The following NRGN variants were observed in gnomAD, a reference collection of about 807,000 sequenced individuals.
NRGN encodes calmodulin-binding protein.
For missense variants in NRGN, 82 were observed against 123.0 expected (o/e 0.67, Z 1.58); for synonymous variants, 47 against 52.8 (o/e 0.89, Z 0.47).
chr11:124,745,506 A>C lies in NRGN; in HGVS notation c.19A>C (p.Asn7His). 2 of 1,581,270 alleles carry C rather than the reference A, an allele frequency of 1.3e-6. No homozygotes were observed. Among genetic ancestry groups the C allele is most frequent in the South Asian group, 2.3e-5 (2 of 87,786 alleles). ...AACCCCCCTGCTTCGCCCCCAGGAG[A>C]ACGCCTGCTCCAAGCCGGACGACGA... MDCCTE[N>H]ACSKPDDDIL... The change falls in exon 2 of 4, where the codon AAC becomes CAC. Residue 7 changes from asparagine (N) to histidine (H), a missense_variant. Physicochemically the swap from Asn to His is moderately conservative, Grantham distance 68. Transcript: ENST00000284292. This position sits in a 1 kb window ranked among gnomAD's most constrained non-coding sequence, Gnocchi z 6.4.
chr11:124,742,027 C>G (rs1043514567), intron 1 of NRGN, among the ~76,000 whole-genome samples: 5 of 152,290 alleles, frequency 3.3e-5, no homozygotes, highest in Non-Finnish European at 5.9e-5. Flanking sequence ...CCAGTGCACC[C>G]TGTGCACAGG....
chr11:124,745,779 C>A lies in NRGN; in HGVS notation c.*5+50C>A. ...CTGACAGCTGCCCTTCCCCAGCCCT[C>A]CCCAGGAGCAGGGGGAGAATAAGGG... On this transcript the variant is annotated intron_variant, in intron 2 of 3. Transcript: ENST00000284292. The surrounding 1 kb of genome is among the most constrained non-coding windows in gnomAD (Gnocchi z 6.4). 1 of 1,031,382 alleles carries A rather than the reference C, an allele frequency of 9.7e-7. No individual in the cohort carries two copies. The highest frequency in any genetic ancestry group is 1.3e-6 in the Non-Finnish European group (1 of 779,040). The allele number at this position is 1,031,382 out of a possible 1,614,324, so 63.9% of individuals were successfully genotyped here.
rs557756655 is a variant in NRGN at position 124,743,780 on chromosome 11, C to T, written c.16-1723C>T. On this transcript the variant is annotated intron_variant, in intron 1 of 3. Transcript: ENST00000284292. ...TCATATCCTGTCCACTTCTATGAAC[C>T]GGATGGATGATGGCAGGGAGAGCTA... Among the ~76,000 whole-genome samples, 11 of 151,636 alleles carry T rather than the reference C, an allele frequency of 7.3e-5. No individual in the cohort carries two copies. In the East Asian group the frequency reaches 1.9e-3, roughly 27 times the overall value.
In NRGN at chr11:124,742,171, C is replaced by T. The variant is rs150652884; in HGVS notation, c.15+2072C>T. ...TGTGGAGGGTTGGGGAAGGGCAGGG[C>T]TAGGGGTGGGCATTTTCCTCCCCTT... On this transcript the variant is annotated intron_variant, in intron 1 of 3. Transcript: ENST00000284292. Among the ~76,000 whole-genome samples, 61 of 152,036 alleles carry T rather than the reference C, an allele frequency of 4.0e-4. No individual in the cohort carries two copies. In the East Asian group the frequency reaches 0.011, roughly 27 times the overall value.
chr11:124,744,517 A>G (rs1214328895), intron 1 of NRGN: 1 of 152,230 alleles, frequency 6.6e-6, no homozygotes, highest in Non-Finnish European at 1.5e-5. Flanking sequence ...GGGTAAAAAT[A>G]TATATTCTGG....
chr11:124,741,350 T>C (rs1943964091), intron 1 of NRGN, among the ~76,000 whole-genome samples: 1 of 152,194 alleles, frequency 6.6e-6, no homozygotes, highest in Non-Finnish European at 1.5e-5. Context: ...CCCTGTCTTC[T>C]TCGAAGAGCT....
rs960054225 is a variant in NRGN, at chr11:124,741,894, T to C, written c.15+1795T>C. 2.6e-4 allele frequency among the ~76,000 whole-genome samples: 40 copies of C among 152,216 alleles called. 1 individual carries two copies. Among genetic ancestry groups the C allele is most frequent in the African/African-American group, 7.9e-4 (33 of 41,524 alleles). Reference sequence around the variant, plus strand: ...CTCTTGAGTGCCCAGGGAGCCATACTGAGGGATTAGTAGACATGGTTGAAG... The same window carrying C: ...CTCTTGAGTGCCCAGGGAGCCATACCGAGGGATTAGTAGACATGGTTGAAG... On this transcript the variant is annotated intron_variant, in intron 1 of 3. Coordinates refer to ENST00000284292, the MANE Select transcript of NRGN (RefSeq NM_006176.3).
At chr11:124,744,960 G>C (rs1349396695) in intron 1 of NRGN, 2 of 152,474 alleles carry the variant, frequency 1.3e-5, no homozygotes, top group African/African-American at 4.8e-5. Flanking sequence ...CTTAGGTCGG[G>C]GGAGGCTGGC....
Position 124,745,447 on chromosome 11 carries a change from A to G in NRGN, c.16-56A>G. 3 of 1,328,466 alleles carry G rather than the reference A, an allele frequency of 2.3e-6. No homozygotes were observed. Among genetic ancestry groups the G allele is most frequent in the Non-Finnish European group, 3.0e-6 (3 of 986,162 alleles). 82.3% of individuals were successfully genotyped at this position (1,328,466 alleles called of 1,614,324 possible). ...TCCCTCAGGGCTCTATTCCTACCCC[A>G]CTCCCGCGGATCAAGACCCAGTGAC... is the stretch of plus-strand genomic sequence containing the variant. On this transcript the variant is annotated intron_variant, in intron 1 of 3. Transcript: ENST00000284292. The surrounding 1 kb of genome is among the most constrained non-coding windows in gnomAD (Gnocchi z 6.4).
chr11:124,740,036 C>G lies in NRGN; in HGVS notation c.-49C>G. ...CACCCGGCACCACACAGACCCCACC[C>G]CCGCCCTGCGCCAGCCTTCGTCCCC... On this transcript the variant is annotated 5_prime_UTR_variant, in exon 1 of 4. Transcript: ENST00000284292. The surrounding 1 kb of genome is among the most constrained non-coding windows in gnomAD (Gnocchi z 7.5). The G allele has an allele frequency of 8.3e-7, 1 of 1,198,486 alleles. No homozygotes were observed. The highest frequency in any genetic ancestry group is 1.1e-6 in the Non-Finnish European group (1 of 925,422). 74.2% of individuals were successfully genotyped at this position (1,198,486 alleles called of 1,614,324 possible).
At position 124,740,569 on chromosome 11, in the gene NRGN, T is replaced by C. The variant is rs1395771673; in HGVS notation, c.15+470T>C. Among the ~76,000 whole-genome samples, 1 of 152,240 alleles carries C rather than the reference T, an allele frequency of 6.6e-6. No homozygotes were observed. Among genetic ancestry groups the C allele is most frequent in the Admixed American group, 6.5e-5 (1 of 15,288 alleles). On this transcript the variant is annotated intron_variant, in intron 1 of 3. Transcript: ENST00000284292. The surrounding 1 kb of genome is among the most constrained non-coding windows in gnomAD (Gnocchi z 7.5). ...CTCCAACGATCGCCTAAGCGCCCTGTGCAGCGCAGGCTGGTCCATATTGGT... is the reference window on the plus strand; with the variant it reads ...CTCCAACGATCGCCTAAGCGCCCTGCGCAGCGCAGGCTGGTCCATATTGGT...
chr11:124,746,445 G>A lies in NRGN; in HGVS notation c.*65G>A, dbSNP rs1804829. ...GATGCCGCGTCCCCTTCGCAGCGACGAGACTTCCCTGCCGTGTTTGTGACC... is the reference window on the plus strand; with the variant it reads ...GATGCCGCGTCCCCTTCGCAGCGACAAGACTTCCCTGCCGTGTTTGTGACC... On this transcript the variant is annotated 3_prime_UTR_variant, in exon 4 of 4. Transcript: ENST00000284292. 2,355 of 152,758 alleles carry A rather than the reference G, an allele frequency of 0.015. 29 individuals are homozygous for A. Among genetic ancestry groups the A allele is most frequent in the Middle Eastern group, 0.037 (11 of 294 alleles). The allele number at this position is 152,758 out of a possible 1,614,324, so 9.5% of individuals were successfully genotyped here.
At chr11:124,744,565 G>A (rs1943993449) in intron 1 of NRGN, 1 of 152,178 alleles carries the variant, frequency 6.6e-6, no homozygotes, top group Non-Finnish European at 1.5e-5. Flanking sequence ...GGGTCCACTG[G>A]TAACTGTCCG....
rs921862290 is a variant in NRGN, at chr11:124,739,947, G to A, written c.-138G>A. The A allele has an allele frequency of 4.6e-6, 2 of 438,410 alleles. No individual in the cohort carries two copies. The highest frequency in any genetic ancestry group is 8.1e-6 in the Non-Finnish European group (2 of 246,790). 27.2% of individuals were successfully genotyped at this position (438,410 alleles called of 1,614,324 possible). A position where few individuals can be genotyped will look rare whatever the true frequency, so the allele number is the denominator to read the frequency against. On this transcript the variant is annotated 5_prime_UTR_variant, in exon 1 of 4. Coordinates refer to ENST00000284292, the MANE Select transcript of NRGN (RefSeq NM_006176.3). ...CGAGCGGAGCCGAGCGCGGGAGACCGGACCCGAGAGCAGAGCTGCTGTTTC... is the reference window on the plus strand; with the variant it reads ...CGAGCGGAGCCGAGCGCGGGAGACCAGACCCGAGAGCAGAGCTGCTGTTTC...
chr11:124,740,242 G>T lies in NRGN; in HGVS notation c.15+143G>T, dbSNP rs923911851. ...AGAAAAGGGGTCCTTGCCGAGACGT[G>T]GGTGGTGGATGGTGGAAGGCGCCCG... On this transcript the variant is annotated intron_variant, in intron 1 of 3. Coordinates refer to ENST00000284292, the MANE Select transcript of NRGN (RefSeq NM_006176.3). The surrounding 1 kb of genome is among the most constrained non-coding windows in gnomAD (Gnocchi z 7.5). 3 of 605,872 alleles carry T rather than the reference G, an allele frequency of 5.0e-6. No homozygotes were observed. Among genetic ancestry groups the T allele is most frequent in the Non-Finnish European group, 4.9e-6 (2 of 408,174 alleles). 37.5% of individuals were successfully genotyped at this position (605,872 alleles called of 1,614,324 possible).
chr11:124,742,531 A>G (rs1359386763), intron 1 of NRGN, among the ~76,000 whole-genome samples: 2 of 152,196 alleles, frequency 1.3e-5, no homozygotes, highest in Non-Finnish European at 2.9e-5. Flanking sequence ...TTCACCGCGC[A>G]TGAAAAAGCG....
chr11:124,740,170 A>G lies in NRGN; in HGVS notation c.15+71A>G, dbSNP rs954625489. On this transcript the variant is annotated intron_variant, in intron 1 of 3. Transcript: ENST00000284292. The surrounding 1 kb of genome is among the most constrained non-coding windows in gnomAD (Gnocchi z 7.5). Reference sequence around the variant, plus strand: ...CGAGAGGCGCCTGAGAAAGCCCTGGAGGGCGAGAGAGGGATGGAAGTGGAT... The same window carrying G: ...CGAGAGGCGCCTGAGAAAGCCCTGGGGGGCGAGAGAGGGATGGAAGTGGAT... 1.5e-5 allele frequency: 17 copies of G among 1,102,694 alleles called. No individual in the cohort carries two copies. Among genetic ancestry groups the G allele is most frequent in the African/African-American group, 1.1e-4 (7 of 62,042 alleles). The allele number at this position is 1,102,694 out of a possible 1,614,324, so 68.3% of individuals were successfully genotyped here.
intron 1 of NRGN, among the ~76,000 whole-genome samples, chr11:124,743,367 T>C (rs1385527767): frequency 6.6e-6 from 1 of 152,194 alleles, no homozygotes; most frequent in African/African-American, 2.4e-5. Context: ...TTTTTATGGT[T>C]GTCACCCTCT....
rs1944001152 is a variant in NRGN, at chr11:124,745,471, A to T, written c.16-32A>T. ...CACTCCCGCGGATCAAGACCCAGTG[A>T]CCCCACAAGAACCCCCCTGCTTCGC... is the stretch of plus-strand genomic sequence containing the variant. On this transcript the variant is annotated intron_variant, in intron 1 of 3. Transcript: ENST00000284292. The surrounding 1 kb of genome is among the most constrained non-coding windows in gnomAD (Gnocchi z 6.4). 1 of 1,507,166 alleles carries T rather than the reference A, an allele frequency of 6.6e-7. No individual in the cohort carries two copies. The highest frequency in any genetic ancestry group is 1.4e-5 in the African/African-American group (1 of 69,620). The allele number at this position is 1,507,166 out of a possible 1,614,324, so 93.4% of individuals were successfully genotyped here. A position where few individuals can be genotyped will look rare whatever the true frequency, so the allele number is the denominator to read the frequency against.
Sources: gnomAD v4.1 joint callset for allele counts (sites outside exome capture counted in the v4.1 genomes callset) on GRCh38, gnomAD v4.1.1 for gene constraint, Gnocchi (gnomAD v3.1) non-coding constraint, MANE v1.5 for transcripts, NCBI Gene and HGNC (gene_info 2026-07-23, HGNC 2026-07-21) for gene names.